Variants in NSD1 observed in about 807,000 individuals in gnomAD.
The protein encoded by NSD1 is nuclear receptor binding SET domain protein 1.
NSD1 carries 26 observed loss-of-function variants against 242.7 expected under a neutral mutation model. That is an observed-to-expected ratio of 0.11 (90% CI 0.08 to 0.15). The LOEUF is 0.15. Ranked by LOEUF, NSD1 falls within the 10% of genes least tolerant of loss-of-function variation. The pLI, the probability that NSD1 is intolerant of heterozygous loss-of-function variation, is 1.00. For missense variants in NSD1, 2,495 were observed against 3,272.8 expected, an observed-to-expected ratio of 0.76 and a Z score of 5.80; for synonymous variants, 1,106 against 1,178.1, an observed-to-expected ratio of 0.94 and a Z score of 1.25.
rs151062025 is a variant in NSD1, at chr5:177,257,217, C to CT, written c.4966+72dup. 7.5e-3 allele frequency: 6,644 copies of CT among 888,130 alleles called. 374 individuals are homozygous for CT. The East Asian group carries it at 0.16, about 21-fold the overall frequency. 55.0% of individuals were successfully genotyped at this position (888,130 alleles called of 1,614,324 possible). A position where few individuals can be genotyped will look rare whatever the true frequency, so the allele number is the denominator to read the frequency against. On this transcript the variant is annotated intron_variant, in intron 13 of 22. Transcript: ENST00000439151. ...CAGTTTAATTGGCAACAGATATTTT[C>CT]TTTTTTCTTTCTTTTTTTTTTTTTT...
intron 3 of NSD1, 29 bp from the exon 4 acceptor site, chr5:177,204,091 A>C: frequency 6.2e-7 from 1 of 1,607,082 alleles, no homozygotes. Flanking sequence ...CTTTGATCTA[A>C]TGATTCTGGT....
Position 177,135,787 on chromosome 5 carries a change from A to G in NSD1, c.684A>G (p.Pro228=), listed in dbSNP as rs1057522319. 5.6e-6 allele frequency: 9 copies of G among 1,612,576 alleles called. No individual in the cohort carries two copies. The highest frequency in any genetic ancestry group is 5.3e-5 in the African/African-American group (4 of 74,912). Residue 228 remains proline (P), a synonymous_variant, in exon 2 of 23, where the codon CCA becomes CCG. Coordinates refer to ENST00000439151, the MANE Select transcript of NSD1 (RefSeq NM_022455.5). ...GTGCAGTCAAATCGCCATTCTTGCC[A>G]TTAGCTCCTCAGACTGAAACACAGA... ...RHGAVKSPFL[P]LAPQTETQKN... is the part of the protein sequence containing the mutation.
At position 177,294,493 on chromosome 5, in the gene NSD1, G is replaced by A. The variant is rs1760110067; in HGVS notation, c.7125G>A (p.Leu2375=). The A allele has an allele frequency of 9.3e-6, 15 of 1,614,184 alleles. No individual in the cohort carries two copies. The highest frequency in any genetic ancestry group is 1.2e-5 in the Non-Finnish European group (14 of 1,180,034). The stretch of plus-strand genomic sequence containing the variant: ...CTGCCAGCCCAAGGCCCCAGTCACT[G>A]GAGAAAACCTCAGTTCCCACTGGCC... The part of the protein sequence containing the change: ...IGAASPRPQS[L]EKTSVPTGLR... The change falls in exon 23 of 23, where the codon CTG becomes CTA. Residue 2375 remains leucine, a synonymous_variant. Transcript: ENST00000439151.
In NSD1 at chr5:177,248,252, C is replaced by T. The variant is rs1223746708; in HGVS notation, c.4569C>T (p.Pro1523=). 1.9e-6 allele frequency: 3 copies of T among 1,613,858 alleles called. No individual in the cohort carries two copies. The highest frequency in any genetic ancestry group is 2.7e-5 in the African/African-American group (2 of 74,894). ...ETVEEGVEHD[P]GMPASKKMQG... ...TTGAGGAAGGTGTAGAACACGATCC[C>T]GGGATGCCTGCCTCTAAAAAAATGC... Residue 1523 remains proline (P), a synonymous_variant, in exon 11 of 23, where the codon CCC becomes CCT. Transcript: ENST00000439151.
chr5:177,197,600 C>T (rs967240621), intron 3 of NSD1, among the ~76,000 whole-genome samples: 13 of 152,258 alleles, frequency 8.5e-5, no homozygotes, highest in South Asian at 6.2e-4. Flanking sequence ...CCAGCCTGGG[C>T]GAGAGTGCGA....
rs2149756502 is a variant in NSD1 at position 177,135,729 on chromosome 5, G to A, written c.626G>A (p.Ser209Asn). 2 of 1,614,214 alleles carry A rather than the reference G, an allele frequency of 1.2e-6. No homozygotes were observed. The highest frequency in any genetic ancestry group is 2.2e-5 in the East Asian group (1 of 44,894). Reference protein sequence around the residue: ...SENGVKVAMGSEQDSTPESRH... With the variant: ...SENGVKVAMGNEQDSTPESRH... ...AATGGTGTAAAAGTGGCCATGGGAA[G>A]TGAACAAGACAGCACACCAGAGAGT... Residue 209 changes from serine (S) to asparagine (N), a missense_variant, in exon 2 of 23, where the codon AGT (serine) becomes AAT (asparagine). By Grantham distance (46) the Ser-to-Asn change is conservative (BLOSUM62 1). Around this residue, in one of 19 missense-constraint regions of NSD1, gnomAD observed 376 missense variants for 367.4 expected, o/e 1.02. Transcript: ENST00000439151.
intron 2 of NSD1, among the ~76,000 whole-genome samples, chr5:177,180,643 G>A (rs185539410): frequency 6.6e-6 from 1 of 151,606 alleles, no homozygotes; most frequent in East Asian, 1.9e-4. Flanking sequence ...ATGTGTCCTG[G>A]TATCTCTTGT....
intron 2 of NSD1, among the ~76,000 whole-genome samples, chr5:177,186,221 G>T (rs1761220874): frequency 1.4e-5 from 2 of 146,756 alleles, no homozygotes; most frequent in South Asian, 4.2e-4. Flanking sequence ...AGCCCAGGAG[G>T]TGGAAGCTGC....
chr5:177,179,272 A>G (rs925399002), intron 2 of NSD1, among the ~76,000 whole-genome samples: 4 of 152,198 alleles, frequency 2.6e-5, no homozygotes, highest in East Asian at 1.9e-4. Context: ...CTGAAGTACA[A>G]TGGCAGGATC....
At chr5:177,266,086 G>A in intron 14 of NSD1, 1 of 1,126,596 alleles carries the variant, frequency 8.9e-7, no homozygotes, top group Non-Finnish European at 1.4e-6. Context: ...GGTCCTCGGT[G>A]GCCGTCACAT....
rs1763181157 is a variant in NSD1, at chr5:177,209,726, A to G, written c.1327A>G (p.Ile443Val). Residue 443 changes from isoleucine (I) to valine (V), a missense_variant, in exon 5 of 23, where the codon ATT becomes GTT. Around this residue, in one of 19 missense-constraint regions of NSD1, gnomAD observed 515 missense variants for 467.0 expected, o/e 1.10. Coordinates refer to ENST00000439151, the MANE Select transcript of NSD1 (RefSeq NM_022455.5). ...CAAGGGGTCAAAGAACCGAAAATGT[A>G]TTCCTGGTTCAATCAAGTTGGACAG... ...VPKGSKNRKC[I>V]PGSIKLDSEE... The G allele has an allele frequency of 1.9e-6, 3 of 1,613,990 alleles. No individual in the cohort carries two copies. In the African/African-American group the frequency reaches 4.0e-5, roughly 22 times the overall value.
intron 2 of NSD1, among the ~76,000 whole-genome samples, chr5:177,186,462 T>G (rs1761242413): frequency 1.3e-5 from 2 of 152,130 alleles, no homozygotes; most frequent in Admixed American, 1.3e-4. Flanking sequence ...TTAGGTTTTT[T>G]TAAAAAATCC....
chr5:177,238,628 C>T lies in NSD1; in HGVS notation c.4192+121C>T, dbSNP rs894726617. On this transcript the variant is annotated intron_variant, in intron 7 of 22. Transcript: ENST00000439151. The surrounding 1 kb of genome is among the most constrained non-coding windows in gnomAD (Gnocchi z 4.6). ...TATACAATAAACTACCCCCTTTTGT[C>T]CTGGGAAATACTTAAAATGATGGTT... 42 of 1,114,766 alleles carry T rather than the reference C, an allele frequency of 3.8e-5. No homozygotes were observed. The highest frequency in any genetic ancestry group is 5.5e-5 in the Non-Finnish European group (41 of 748,288). 69.1% of individuals were successfully genotyped at this position (1,114,766 alleles called of 1,614,324 possible).
intron 2 of NSD1, among the ~76,000 whole-genome samples, chr5:177,143,196 GT>G (rs1756965056): frequency 6.6e-6 from 1 of 152,090 alleles, no homozygotes; most frequent in Admixed American, 6.6e-5. Flanking sequence ...TTACAGGTTG[GT>G]TGGTTTTTTT....
At chr5:177,207,273 AATTTATTTATTTTT>A (rs1169923507) in intron 4 of NSD1, among the ~76,000 whole-genome samples, 4 of 131,356 alleles carry the variant, frequency 3.0e-5, no homozygotes, top group African/African-American at 1.2e-4. Flanking sequence ...TTTATTTTTT[AATTTATTTATTTTT>A]ATTTATTTAT....
chr5:177,260,135 G>A lies in NSD1; in HGVS notation c.5113G>A (p.Val1705Ile). The change falls in exon 14 of 23, where the codon GTT becomes ATT. Residue 1705 changes from valine to isoleucine, a missense_variant. By Grantham distance (29) the Val-to-Ile change is conservative. Around this residue, in one of 19 missense-constraint regions of NSD1, gnomAD observed 31 missense variants for 120.2 expected, o/e 0.26. Coordinates refer to ENST00000439151, the MANE Select transcript of NSD1 (RefSeq NM_022455.5). ...PRRGCRNHEH[V>I]NVSWCFVCSE... ...GCGGGGCTGCCGAAATCATGAGCAT[G>A]TTAATGTTAGCTGGTGCTTTGTGTG... 1.2e-6 allele frequency: 2 copies of A among 1,614,076 alleles called. No individual in the cohort carries two copies. Among genetic ancestry groups the A allele is most frequent in the Non-Finnish European group, 1.7e-6 (2 of 1,180,006 alleles).
intron 2 of NSD1, chr5:177,136,982 T>A: frequency 1.5e-6 from 1 of 672,162 alleles, no homozygotes; most frequent in Non-Finnish European, 2.7e-6. Context: ...TGTGTATGTG[T>A]ATGTGTGATA....
chr5:177,167,055 C>T (rs556360265), intron 2 of NSD1, among the ~76,000 whole-genome samples: 7 of 151,906 alleles, frequency 4.6e-5, no homozygotes, highest in African/African-American at 1.7e-4. Context: ...TGTGCCAGAC[C>T]TTGAGTTACT....
At chr5:177,221,302 T>G (rs982557824) in intron 5 of NSD1, among the ~76,000 whole-genome samples, 12 of 127,880 alleles carry the variant, frequency 9.4e-5, no homozygotes, top group African/African-American at 3.1e-4. Flanking sequence ...TTGTTTTTTG[T>G]TTTTTTTTTT....
Sources: allele counts gnomAD v4.1 joint callset (sites outside exome capture counted in the v4.1 genomes callset), GRCh38; gene constraint gnomAD v4.1.1; regional missense constraint gnomAD v4.1.1; non-coding constraint Gnocchi (gnomAD v3.1); transcripts MANE v1.5; gene names NCBI Gene and HGNC (gene_info 2026-07-23, HGNC 2026-07-21).